Variants in PDE4B observed in about 807,000 individuals in gnomAD.
The protein encoded by PDE4B is phosphodiesterase 4B.
Under a neutral mutation model 82.2 loss-of-function variants are expected in PDE4B, and 20 were observed. The observed-to-expected ratio is 0.24, with a 90% CI of 0.17 to 0.35. The LOEUF (loss-of-function observed/expected upper bound fraction) is 0.35. Ranked by LOEUF, PDE4B falls within the 10% of genes least tolerant of loss-of-function variation. PDE4B has a pLI of 1.00. For missense variants in PDE4B, 655 were observed against 907.2 expected (o/e 0.72, Z 3.57); for synonymous variants, 320 against 318.9 (o/e 1.00, Z -0.04).
chr1:66,295,681 A>G (rs1657461761), intron 7 of PDE4B, among the ~76,000 whole-genome samples: 1 of 152,168 alleles, frequency 6.6e-6, no homozygotes, highest in Non-Finnish European at 1.5e-5. Flanking sequence ...CTCCCATTTC[A>G]AAGTGCTGGG....
chr1:66,010,166 C>T (rs1652403590), intron 3 of PDE4B, among the ~76,000 whole-genome samples: 1 of 152,070 alleles, frequency 6.6e-6, no homozygotes, highest in Non-Finnish European at 1.5e-5. Context: ...TGGGTACCTT[C>T]CAGTTTTAAG....
At chr1:66,257,926 C>A in intron 6 of PDE4B, 63 bp downstream of exon 6, 1 of 1,091,666 alleles carries the variant, frequency 9.2e-7, no homozygotes, top group Non-Finnish European at 1.4e-6. Flanking sequence ...TATTGAGCAG[C>A]ATTTAAAAAA....
At chr1:66,308,912 G>A (rs2101859531) in intron 7 of PDE4B, among the ~76,000 whole-genome samples, 1 of 152,260 alleles carries the variant, frequency 6.6e-6, no homozygotes, top group East Asian at 1.9e-4. Flanking sequence ...AGAAAGTTCT[G>A]CATGTTCTAC....
At chr1:66,312,550 C>G (rs1231188095) in intron 7 of PDE4B, among the ~76,000 whole-genome samples, 1 of 152,216 alleles carries the variant, frequency 6.6e-6, no homozygotes, top group Non-Finnish European at 1.5e-5. Context: ...TTGGGCCCCA[C>G]TGGATAAGCC....
chr1:66,100,791 T>G (rs1297367685), intron 3 of PDE4B, among the ~76,000 whole-genome samples: 2 of 152,210 alleles, frequency 1.3e-5, no homozygotes, highest in African/African-American at 2.4e-5. Context: ...TTTATCTTTG[T>G]ATTTTAATAG....
At chr1:66,228,608 G>A (rs1045399505) in intron 3 of PDE4B, among the ~76,000 whole-genome samples, 9 of 147,288 alleles carry the variant, frequency 6.1e-5, no homozygotes, top group Admixed American at 2.7e-4. Context: ...CAGCCTGGGC[G>A]ACAGAGCAAG....
At chr1:66,081,090 C>T (rs1204112737) in intron 3 of PDE4B, among the ~76,000 whole-genome samples, 1 of 152,150 alleles carries the variant, frequency 6.6e-6, no homozygotes, top group Admixed American at 6.6e-5. Context: ...GTCTGACTTA[C>T]TCACGGCTAC....
chr1:66,063,094 T>C (rs1655667195), intron 3 of PDE4B: 1 of 152,030 alleles, frequency 6.6e-6, no homozygotes, highest in African/African-American at 2.4e-5. Flanking sequence ...TGTAGCTTAT[T>C]TGCACACAGC....
intron 1 of PDE4B, among the ~76,000 whole-genome samples, chr1:65,860,232 G>A (rs1011487537): frequency 1.3e-5 from 2 of 152,128 alleles, no homozygotes; most frequent in South Asian, 4.1e-4. Context: ...GGTGTGTGAT[G>A]TTCCCCTCCC....
intron 3 of PDE4B, among the ~76,000 whole-genome samples, chr1:66,092,992 T>G (rs554733076): frequency 6.6e-6 from 1 of 152,242 alleles, no homozygotes; most frequent in East Asian, 1.9e-4. Flanking sequence ...TAGTTACAAT[T>G]TAACCTTTGT....
In PDE4B at chr1:65,816,037, C is replaced by T. The variant is rs550580135; in HGVS notation, c.-71+22789C>T. 2.0e-5 allele frequency among the ~76,000 whole-genome samples: 3 copies of T among 152,176 alleles called. No homozygotes were observed. In the East Asian group the frequency reaches 5.8e-4, roughly 29 times the overall value. On this transcript the variant is annotated intron_variant, in intron 1 of 16. Transcript: ENST00000341517. Reference sequence around the variant, plus strand: ...AATTTTCTCTTTTCCTATAGATGCACCTCAGCTGCTTGTGTTTCAGTTTTA... The same window carrying T: ...AATTTTCTCTTTTCCTATAGATGCATCTCAGCTGCTTGTGTTTCAGTTTTA...
chr1:66,124,385 G>C (rs191043680), intron 3 of PDE4B, among the ~76,000 whole-genome samples: 10 of 152,302 alleles, frequency 6.6e-5, no homozygotes, highest in Admixed American at 1.3e-4. Flanking sequence ...AAGAACACAA[G>C]TACTTGCTTA....
intron 3 of PDE4B, among the ~76,000 whole-genome samples, chr1:65,991,406 CA>C (rs768038604): frequency 0.01 from 1,527 of 152,210 alleles, 19 homozygotes; most frequent in African/African-American, 0.035. Flanking sequence ...GCGTAGAAGA[CA>C]TCTCTCACAT....
At chr1:65,982,196 C>A (rs115490299) in intron 3 of PDE4B, among the ~76,000 whole-genome samples, 1 of 152,124 alleles carries the variant, frequency 6.6e-6, no homozygotes, top group Non-Finnish European at 1.5e-5. Flanking sequence ...ACTGGAGGAA[C>A]GGTGATCCTT....
In PDE4B at chr1:65,793,135, C is replaced by A. The variant is rs1645591410; in HGVS notation, c.-184C>A. 1 of 152,126 alleles carries A rather than the reference C, an allele frequency of 6.6e-6. No homozygotes were observed. The highest frequency in any genetic ancestry group is 2.4e-5 in the African/African-American group (1 of 41,430). The allele number at this position is 152,126 out of a possible 1,614,324, so 9.4% of individuals were successfully genotyped here. A position where few individuals can be genotyped will look rare whatever the true frequency, so the allele number is the denominator to read the frequency against. On this transcript the variant is annotated 5_prime_UTR_variant, in exon 1 of 17. Transcript: ENST00000341517. ...GGGAGCGCGGAAGGCTCACTCGCAG[C>A]GCATGGTCTACCCGCGCCGGGCGGA...
chr1:66,256,454 T>C (rs1252001068), intron 4 of PDE4B, among the ~76,000 whole-genome samples: 2 of 152,162 alleles, frequency 1.3e-5, no homozygotes, highest in African/African-American at 4.8e-5. Flanking sequence ...GTGACACAAA[T>C]AATGCTTACT....
intron 3 of PDE4B, among the ~76,000 whole-genome samples, chr1:66,055,236 G>C (rs567320780): frequency 6.6e-6 from 1 of 152,264 alleles, no homozygotes; most frequent in East Asian, 1.9e-4. Context: ...GGAGGCACAT[G>C]GTGCTTAATT....
At chr1:66,048,590 T>G (rs1654843870) in intron 3 of PDE4B, among the ~76,000 whole-genome samples, 1 of 151,948 alleles carries the variant, frequency 6.6e-6, no homozygotes, top group Admixed American at 6.6e-5. Context: ...TGTGGGCATT[T>G]TGTAATTGTC....
intron 3 of PDE4B, among the ~76,000 whole-genome samples, chr1:66,194,838 C>T (rs1414159406): frequency 6.6e-6 from 1 of 152,042 alleles, no homozygotes; most frequent in East Asian, 1.9e-4. Context: ...TTCCCCAATT[C>T]ATAACAGAGA....
Sources: gnomAD v4.1 joint callset for allele counts (sites outside exome capture counted in the v4.1 genomes callset) on GRCh38, gnomAD v4.1.1 for gene constraint, MANE v1.5 for transcripts, NCBI Gene and HGNC (gene_info 2026-07-23, HGNC 2026-07-21) for gene names.